PABPC4L: variants seen among roughly 807,000 people sequenced by gnomAD.
PABPC4L encodes the protein polyadenylate-binding protein 4-like.
For synonymous variants in PABPC4L, 169 were observed against 164.1 expected, an observed-to-expected ratio of 1.03 and a Z score of -0.23; for missense variants, 452 against 451.4, an observed-to-expected ratio of 1.00 and a Z score of -0.01.
At chr4:133,980,752 T>C in the PABPC4L span, among the ~76,000 whole-genome samples, 1 of 152,144 alleles carries the variant, frequency 6.6e-6, no homozygotes, top group Admixed American at 6.6e-5. Context: ...TTATGAAGTG[T>C]TTATTAACTT....
At chr4:134,053,055 G>C in the PABPC4L span, among the ~76,000 whole-genome samples, 45 of 152,118 alleles carry the variant, frequency 3.0e-4, 1 homozygote, top group South Asian at 8.9e-3. Context: ...TAAATAACAT[G>C]TATTATAGAC....
the PABPC4L span, among the ~76,000 whole-genome samples, chr4:134,079,364 G>A: frequency 2.0e-5 from 3 of 151,096 alleles, no homozygotes; most frequent in Non-Finnish European, 1.5e-5. Flanking sequence ...GGCGGATCAC[G>A]AGGTCGGAGA....
the PABPC4L span, among the ~76,000 whole-genome samples, chr4:134,039,695 T>C: frequency 1.3e-5 from 2 of 152,120 alleles, 1 homozygote; most frequent in Non-Finnish European, 2.9e-5. Context: ...TCTATCCCTT[T>C]ATGTTGAGCC....
the PABPC4L span, among the ~76,000 whole-genome samples, chr4:133,952,784 A>G: frequency 6.6e-6 from 1 of 152,008 alleles, no homozygotes; most frequent in Non-Finnish European, 1.5e-5. Context: ...CCTAAACCTA[A>G]TCTAATAATC....
chr4:134,124,354 C>T, the PABPC4L span, among the ~76,000 whole-genome samples: 323 of 152,160 alleles, frequency 2.1e-3, 1 homozygote, highest in African/African-American at 7.3e-3. Flanking sequence ...TACTCTAAAA[C>T]TAGTTTTACC....
chr4:133,962,751 C>T, the PABPC4L span, among the ~76,000 whole-genome samples: 1 of 152,132 alleles, frequency 6.6e-6, no homozygotes, highest in South Asian at 2.1e-4. Context: ...GCCAGTGAAA[C>T]TAAGCATCAT....
the PABPC4L span, among the ~76,000 whole-genome samples, chr4:133,966,523 C>T: frequency 6.6e-5 from 10 of 152,270 alleles, no homozygotes; most frequent in East Asian, 1.7e-3. Flanking sequence ...TATAGCAGCA[C>T]AATTTGCAAT....
chr4:134,079,866 T>C, the PABPC4L span, among the ~76,000 whole-genome samples: 2 of 152,048 alleles, frequency 1.3e-5, no homozygotes, highest in Non-Finnish European at 2.9e-5. Flanking sequence ...TTTCTATTTG[T>C]GTTAGCTATG....
At chr4:133,979,348 A>G in the PABPC4L span, among the ~76,000 whole-genome samples, 1 of 152,224 alleles carries the variant, frequency 6.6e-6, no homozygotes, top group East Asian at 1.9e-4. Flanking sequence ...AGAGTCAAAG[A>G]ACAAATATAG....
chr4:134,139,317 A>G, the PABPC4L span, among the ~76,000 whole-genome samples: 1 of 151,944 alleles, frequency 6.6e-6, no homozygotes, highest in Non-Finnish European at 1.5e-5. Context: ...GGAGAAATCA[A>G]GTAAATATGT....
the PABPC4L span, among the ~76,000 whole-genome samples, chr4:134,060,367 C>G: frequency 6.6e-6 from 1 of 151,806 alleles, no homozygotes; most frequent in African/African-American, 2.4e-5. Context: ...GCCAGGGCAA[C>G]TAAGGGAGCA....
At chr4:134,059,737 A>T in the PABPC4L span, among the ~76,000 whole-genome samples, 1 of 151,936 alleles carries the variant, frequency 6.6e-6, no homozygotes, top group Non-Finnish European at 1.5e-5. Flanking sequence ...AACAGGAGAG[A>T]AAAGATAGGA....
the PABPC4L span, among the ~76,000 whole-genome samples, chr4:133,991,260 T>C: frequency 6.6e-6 from 1 of 152,194 alleles, no homozygotes; most frequent in Non-Finnish European, 1.5e-5. Context: ...GTATAGACTA[T>C]GGCATTTAGG....
chr4:134,062,013 C>T, the PABPC4L span, among the ~76,000 whole-genome samples: 1 of 151,094 alleles, frequency 6.6e-6, no homozygotes, highest in Admixed American at 6.6e-5. Context: ...AAATGCAAGC[C>T]AGAAAACAAT....
chr4:134,114,322 G>A, the PABPC4L span, among the ~76,000 whole-genome samples: 2 of 151,750 alleles, frequency 1.3e-5, no homozygotes, highest in African/African-American at 4.8e-5. Context: ...GCCTGCAGAT[G>A]TAACAAACCT....
At chr4:134,097,401 T>C in the PABPC4L span, among the ~76,000 whole-genome samples, 2 of 151,750 alleles carry the variant, frequency 1.3e-5, no homozygotes, top group South Asian at 2.1e-4. Flanking sequence ...AAACACCAAA[T>C]GGAAATCATT....
At chr4:134,124,116 T>A in the PABPC4L span, among the ~76,000 whole-genome samples, 1 of 152,060 alleles carries the variant, frequency 6.6e-6, no homozygotes, top group Non-Finnish European at 1.5e-5. Context: ...AACTAAATCA[T>A]GGGAAGAGTA....
chr4:134,140,802 C>A, the PABPC4L span, among the ~76,000 whole-genome samples: 984 of 151,644 alleles, frequency 6.5e-3, 10 homozygotes, highest in African/African-American at 0.022. Flanking sequence ...CAATGGAATG[C>A]ACTTGCAAGG....
At chr4:133,976,844 G>A in the PABPC4L span, among the ~76,000 whole-genome samples, 6 of 152,048 alleles carry the variant, frequency 3.9e-5, no homozygotes, top group Non-Finnish European at 5.9e-5. Flanking sequence ...TGAGTTCCTT[G>A]TAGATTCTGG....
Sources: gnomAD v4.1 joint callset for allele counts (sites outside exome capture counted in the v4.1 genomes callset) on GRCh38, gnomAD v4.1.1 for gene constraint, MANE v1.5 for transcripts, NCBI Gene and HGNC (gene_info 2026-07-23, HGNC 2026-07-21) for gene names.